Variants in FER observed in about 807,000 individuals in gnomAD.
FER encodes the protein FER tyrosine kinase, also known as tyrosine-protein kinase Fer.
FER carries 63 observed loss-of-function variants against 111.0 expected under a neutral mutation model. That is an observed-to-expected ratio of 0.57 (90% CI 0.46 to 0.70). FER has a LOEUF of 0.70. Ranked by LOEUF, FER falls within the 30% of genes least tolerant of loss-of-function variation. The pLI is 0.00. For synonymous variants in FER, 327 were observed against 313.9 expected, an observed-to-expected ratio of 1.04 and a Z score of -0.44; for missense variants, 914 against 954.0, an observed-to-expected ratio of 0.96 and a Z score of 0.55.
intron 5 of FER, among the ~76,000 whole-genome samples, chr5:108,856,733 C>G (rs1203947192): frequency 6.6e-6 from 1 of 152,112 alleles, no homozygotes; most frequent in East Asian, 1.9e-4. Flanking sequence ...CTTCCACACA[C>G]TCGACTAGTC....
chr5:108,749,950 A>C (rs1487054199), intron 1 of FER, among the ~76,000 whole-genome samples: 2 of 152,232 alleles, frequency 1.3e-5, no homozygotes, highest in Admixed American at 1.3e-4. Flanking sequence ...GTGCAATTCA[A>C]AATCTAATAA....
chr5:109,153,508 T>C (rs982883115), intron 17 of FER, among the ~76,000 whole-genome samples: 1 of 151,932 alleles, frequency 6.6e-6, no homozygotes, highest in Non-Finnish European at 1.5e-5. Context: ...GTGCTAACAA[T>C]TCCAGTATAT....
At position 108,867,748 on chromosome 5, in the gene FER, C is replaced by A. The variant is rs1580959716; in HGVS notation, c.482-19C>A. On this transcript the variant is annotated intron_variant, in intron 5 of 19. Coordinates refer to ENST00000281092, the MANE Select transcript of FER (RefSeq NM_005246.4). ...TTCTTATCTCTTTACTAACTTTCTTCAGTTTTTTTTTTTTTCAGGGAAGGA... is the reference window on the plus strand; with the variant it reads ...TTCTTATCTCTTTACTAACTTTCTTAAGTTTTTTTTTTTTTCAGGGAAGGA... The A allele has an allele frequency of 2.0e-6, 3 of 1,534,270 alleles. No homozygotes were observed. Among genetic ancestry groups the A allele is most frequent in the East Asian group, 2.3e-5 (1 of 44,132 alleles).
chr5:109,011,469 C>A (rs937123173), intron 13 of FER, among the ~76,000 whole-genome samples: 3 of 152,098 alleles, frequency 2.0e-5, no homozygotes, highest in Non-Finnish European at 2.9e-5. Flanking sequence ...ACCTTTCTAC[C>A]TCACCTCTTT....
intron 10 of FER, among the ~76,000 whole-genome samples, chr5:108,938,614 T>C (rs1462273299): frequency 1.3e-5 from 2 of 151,868 alleles, no homozygotes; most frequent in Non-Finnish European, 2.9e-5. Flanking sequence ...AGAGTATCAT[T>C]GAAAATGATG....
At chr5:108,795,159 AC>A (rs769462551) in intron 2 of FER, among the ~76,000 whole-genome samples, 1 of 152,100 alleles carries the variant, frequency 6.6e-6, no homozygotes, top group Non-Finnish European at 1.5e-5. Context: ...CCCCTTCTTT[AC>A]AAAAAAATTT....
At chr5:109,069,553 T>C (rs919638236) in intron 16 of FER, among the ~76,000 whole-genome samples, 1 of 152,142 alleles carries the variant, frequency 6.6e-6, no homozygotes, top group Non-Finnish European at 1.5e-5. Flanking sequence ...CCCCTGAGTA[T>C]ATTGAAGATA....
intron 13 of FER, among the ~76,000 whole-genome samples, chr5:109,008,379 ACTGT>A (rs1389185222): frequency 6.6e-6 from 1 of 152,014 alleles, no homozygotes; most frequent in African/African-American, 2.4e-5. Context: ...AAGTTCTTAA[ACTGT>A]CTGTAGTTTC....
At chr5:108,783,779 T>A (rs1054525527) in intron 2 of FER, among the ~76,000 whole-genome samples, 1 of 152,150 alleles carries the variant, frequency 6.6e-6, no homozygotes, top group Non-Finnish European at 1.5e-5. Flanking sequence ...ATTCTTAGGC[T>A]GAGTTAGTGT....
At chr5:109,155,769 G>A (rs766970564) in intron 17 of FER, among the ~76,000 whole-genome samples, 5 of 151,950 alleles carry the variant, frequency 3.3e-5, no homozygotes, top group Non-Finnish European at 7.4e-5. Flanking sequence ...AAGGGAAAGT[G>A]ATGGTCAAAT....
intron 17 of FER, among the ~76,000 whole-genome samples, chr5:109,113,540 T>C (rs919726560): frequency 6.6e-6 from 1 of 152,158 alleles, no homozygotes; most frequent in African/African-American, 2.4e-5. Flanking sequence ...ACTTACATTT[T>C]TCATAGGAAA....
At chr5:108,955,044 A>G in intron 12 of FER, 112 bp downstream of exon 12, 1 of 879,826 alleles carries the variant, frequency 1.1e-6, no homozygotes, top group East Asian at 2.8e-5. Context: ...GAAATTTAGC[A>G]CTTAATTTTT....
intron 16 of FER, among the ~76,000 whole-genome samples, chr5:109,062,539 A>AT (rs1017222929): frequency 5.9e-5 from 9 of 152,008 alleles, no homozygotes; most frequent in East Asian, 3.9e-4. Context: ...AGAAAAAAAA[A>AT]TATATATAAC....
At chr5:109,036,087 C>T (rs991600111) in intron 13 of FER, among the ~76,000 whole-genome samples, 9 of 152,042 alleles carry the variant, frequency 5.9e-5, no homozygotes, top group African/African-American at 2.2e-4. Context: ...CAAAAATGTT[C>T]TCCCAGGTTG....
At chr5:108,770,922 C>A (rs1752827175) in intron 2 of FER, among the ~76,000 whole-genome samples, 1 of 137,024 alleles carries the variant, frequency 7.3e-6, no homozygotes, top group South Asian at 2.2e-4. Context: ...TCCTACCTTT[C>A]ATTTTTTTCT....
At chr5:108,863,634 A>G (rs903067958) in intron 5 of FER, among the ~76,000 whole-genome samples, 9 of 152,154 alleles carry the variant, frequency 5.9e-5, no homozygotes, top group African/African-American at 2.2e-4. Flanking sequence ...AAATTGTGCC[A>G]AGTGTCATGC....
intron 5 of FER, among the ~76,000 whole-genome samples, chr5:108,861,059 G>A (rs1202535545): frequency 6.6e-6 from 1 of 152,168 alleles, no homozygotes. Context: ...TATAATTCCA[G>A]ATGAGATTTG....
chr5:108,881,562 C>T (rs1765677489), intron 8 of FER, among the ~76,000 whole-genome samples: 1 of 152,080 alleles, frequency 6.6e-6, no homozygotes, highest in Admixed American at 6.6e-5. Flanking sequence ...ATACAAATTA[C>T]CATAGGCTGG....
chr5:108,854,224 TGA>T (rs1457932802), intron 5 of FER, among the ~76,000 whole-genome samples: 1 of 152,222 alleles, frequency 6.6e-6, no homozygotes, highest in African/African-American at 2.4e-5. Flanking sequence ...AATTTAACAT[TGA>T]ACTCACAACC....
Sources: gnomAD v4.1 joint callset for allele counts (sites outside exome capture counted in the v4.1 genomes callset) on GRCh38, gnomAD v4.1.1 for gene constraint, MANE v1.5 for transcripts, NCBI Gene and HGNC (gene_info 2026-07-23, HGNC 2026-07-21) for gene names.